Variants in GPC5 observed in about 807,000 individuals in gnomAD.
GPC5 encodes glypican-5.
In GPC5, 47 loss-of-function variants were observed where a neutral mutation model predicts 53.9. That is an observed-to-expected ratio of 0.87 (90% CI 0.69 to 1.11). The LOEUF is 1.11. GPC5 is among the 50% of genes most tolerant of loss of function. GPC5 has a pLI of 0.00. For synonymous variants in GPC5, 286 were observed against 263.3 expected (o/e 1.09, Z -0.84); for missense variants, 748 against 713.1 (o/e 1.05, Z -0.56).
intron 5 of GPC5, among the ~76,000 whole-genome samples, chr13:91,838,572 C>G (rs1183965977): frequency 6.6e-6 from 1 of 151,666 alleles, no homozygotes; most frequent in African/African-American, 2.4e-5. Flanking sequence ...CCAGGGTGCA[C>G]AGAAGTAGAC....
intron 2 of GPC5, among the ~76,000 whole-genome samples, chr13:91,595,803 T>C (rs1027551174): frequency 3.9e-5 from 6 of 152,232 alleles, no homozygotes; most frequent in Non-Finnish European, 7.3e-5. Context: ...GTCTCCTCCC[T>C]TTCTCTTCAT....
chr13:92,842,917 T>G (rs1347535440), intron 7 of GPC5, among the ~76,000 whole-genome samples: 1 of 152,130 alleles, frequency 6.6e-6, no homozygotes, highest in Non-Finnish European at 1.5e-5. Flanking sequence ...AGATGGTCAC[T>G]GAAAACAATG....
chr13:92,833,317 A>C (rs1011285431), intron 7 of GPC5, among the ~76,000 whole-genome samples: 4 of 152,140 alleles, frequency 2.6e-5, no homozygotes, highest in African/African-American at 9.7e-5. Flanking sequence ...TAAGAAGTTA[A>C]ACAATATGCA....
chr13:92,558,309 C>T (rs546584836), intron 7 of GPC5, among the ~76,000 whole-genome samples: 57 of 152,042 alleles, frequency 3.7e-4, no homozygotes, highest in African/African-American at 1.3e-3. Flanking sequence ...GTTCTTCATT[C>T]TTTAAAGTTA....
chr13:92,577,808 A>C (rs1223052957), intron 7 of GPC5, among the ~76,000 whole-genome samples: 3 of 152,192 alleles, frequency 2.0e-5, no homozygotes, highest in Non-Finnish European at 4.4e-5. Context: ...AGAAACAGAG[A>C]CTATGCAAGA....
chr13:92,145,611 G>C (rs1321261847), intron 7 of GPC5, among the ~76,000 whole-genome samples: 1 of 151,986 alleles, frequency 6.6e-6, no homozygotes, highest in East Asian at 1.9e-4. Flanking sequence ...TTCCCTTCCT[G>C]ATTATCACAT....
intron 6 of GPC5, among the ~76,000 whole-genome samples, chr13:92,093,696 A>C (rs542267668): frequency 1.3e-5 from 2 of 152,224 alleles, no homozygotes; most frequent in Non-Finnish European, 2.9e-5. Flanking sequence ...GTTAATTCAG[A>C]TGAAACACAA....
chr13:92,316,669 ATTCT>A (rs1566535572), intron 7 of GPC5, among the ~76,000 whole-genome samples: 1 of 152,154 alleles, frequency 6.6e-6, no homozygotes, highest in Non-Finnish European at 1.5e-5. Context: ...ACAAAATTAT[ATTCT>A]TTCTAAGAAT....
chr13:91,801,590 A>C (rs2038137776), intron 5 of GPC5, among the ~76,000 whole-genome samples: 1 of 152,196 alleles, frequency 6.6e-6, no homozygotes, highest in Admixed American at 6.6e-5. Flanking sequence ...TAGAAACATA[A>C]GTGGTTAATT....
chr13:92,252,183 C>CT (rs897122544), intron 7 of GPC5, among the ~76,000 whole-genome samples: 11 of 151,946 alleles, frequency 7.2e-5, no homozygotes, highest in African/African-American at 2.7e-4. Flanking sequence ...ATGGCATGTA[C>CT]TTTTTTTAAA....
At chr13:92,237,298 C>A (rs1320155218) in intron 7 of GPC5, among the ~76,000 whole-genome samples, 1 of 152,150 alleles carries the variant, frequency 6.6e-6, no homozygotes, top group Non-Finnish European at 1.5e-5. Flanking sequence ...CAGCTCACTG[C>A]AACCTCCGCC....
intron 2 of GPC5, among the ~76,000 whole-genome samples, chr13:91,540,667 ATGGACT>A (rs1002615641): frequency 9.8e-5 from 15 of 152,322 alleles, no homozygotes; most frequent in Admixed American, 3.9e-4. Context: ...GTGTAAATAG[ATGGACT>A]TGGAAGGTTG....
intron 6 of GPC5, among the ~76,000 whole-genome samples, chr13:92,069,533 G>A (rs1486331820): frequency 6.6e-6 from 1 of 151,670 alleles, no homozygotes; most frequent in East Asian, 1.9e-4. Flanking sequence ...TCTCCATATA[G>A]AGATAGTTAT....
intron 6 of GPC5, chr13:91,994,531 G>A (rs553625171): frequency 2.0e-5 from 3 of 152,222 alleles, no homozygotes; most frequent in Non-Finnish European, 2.9e-5. Context: ...ATTAAACTTC[G>A]AGCACAGTCT....
At chr13:91,627,577 A>C (rs915157421) in intron 2 of GPC5, among the ~76,000 whole-genome samples, 5 of 152,260 alleles carry the variant, frequency 3.3e-5, no homozygotes, top group Admixed American at 2.6e-4. Context: ...AAATCTCTAT[A>C]GATGGTGTTT....
At chr13:91,930,365 A>G (rs1376659847) in intron 6 of GPC5, among the ~76,000 whole-genome samples, 2 of 152,078 alleles carry the variant, frequency 1.3e-5, no homozygotes, top group East Asian at 3.8e-4. Context: ...AAAGCATGGA[A>G]TTCTTATATG....
chr13:92,626,131 T>TA (rs1156399403), intron 7 of GPC5, among the ~76,000 whole-genome samples: 4 of 152,208 alleles, frequency 2.6e-5, no homozygotes, highest in Non-Finnish European at 5.9e-5. Flanking sequence ...TTTCTATACT[T>TA]ACAATACTCA....
rs146429687 is a variant in GPC5, at chr13:92,146,245, A to G, written c.1561+1256A>G. ...CTTATGAGTATTAATATAGCTTATC[A>G]GATTGGTTTCTCCTTTTTTTCTTTC... On this transcript the variant is annotated intron_variant, in intron 7 of 7. Transcript: ENST00000377067. Among the ~76,000 whole-genome samples, 684 of 152,252 alleles carry G rather than the reference A, an allele frequency of 4.5e-3. 7 individuals are homozygous for G. The highest frequency in any genetic ancestry group is 0.016 in the African/African-American group (652 of 41,558).
At chr13:92,802,198 G>A (rs375669816) in intron 7 of GPC5, among the ~76,000 whole-genome samples, 80 of 151,782 alleles carry the variant, frequency 5.3e-4, no homozygotes, top group Admixed American at 1.3e-3. Flanking sequence ...TTACCATTGC[G>A]TTACAATTGC....
Sources: gnomAD v4.1 joint callset for allele counts (sites outside exome capture counted in the v4.1 genomes callset) on GRCh38, gnomAD v4.1.1 for gene constraint, MANE v1.5 for transcripts, NCBI Gene and HGNC (gene_info 2026-07-23, HGNC 2026-07-21) for gene names.